Variants in ASTN1 observed in about 807,000 individuals in gnomAD.
ASTN1 encodes astrotactin 1, also known as astrotactin-1.
A neutral mutation model predicts 140.7 loss-of-function variants in ASTN1; 41 were observed. The observed-to-expected ratio is 0.29, with a 90% confidence interval of 0.23 to 0.38. ASTN1 has a LOEUF of 0.38. ASTN1 is among the 10% of genes least tolerant of loss of function. ASTN1 has a pLI of 1.00. For synonymous variants in ASTN1, 640 were observed against 652.2 expected, an observed-to-expected ratio of 0.98 and a Z score of 0.29; for missense variants, 1,479 against 1,678.8, an observed-to-expected ratio of 0.88 and a Z score of 2.08.
chr1:176,978,856 T>C (rs960938832), intron 8 of ASTN1, among the ~76,000 whole-genome samples: 3 of 152,146 alleles, frequency 2.0e-5, no homozygotes, highest in African/African-American at 7.2e-5. Flanking sequence ...ATTCCTATTG[T>C]ATAGATAAAC....
At chr1:176,903,939 A>C (rs569858219) in intron 16 of ASTN1, among the ~76,000 whole-genome samples, 1 of 152,228 alleles carries the variant, frequency 6.6e-6, no homozygotes, top group South Asian at 2.1e-4. Context: ...TAGCTGCCTC[A>C]CACTAATCTT....
chr1:176,890,429 C>T (rs534757541), intron 17 of ASTN1, among the ~76,000 whole-genome samples: 1 of 152,136 alleles, frequency 6.6e-6, no homozygotes, highest in Admixed American at 6.5e-5. Context: ...TGGAACTTGA[C>T]TTCTAAAATC....
chr1:176,860,359 A>G (rs1198531133), downstream of ASTN1, among the ~76,000 whole-genome samples: 1 of 152,198 alleles, frequency 6.6e-6, no homozygotes, highest in African/African-American at 2.4e-5. Context: ...AGGGACTTGG[A>G]TTCTGATCAT....
intron 1 of ASTN1, among the ~76,000 whole-genome samples, chr1:177,083,654 C>T (rs1679283328): frequency 6.6e-6 from 1 of 152,022 alleles, no homozygotes; most frequent in Admixed American, 6.6e-5. Flanking sequence ...AACAGGCAAG[C>T]AATAGAAAAA....
At chr1:177,055,589 C>A (rs933155990) in intron 2 of ASTN1, among the ~76,000 whole-genome samples, 1 of 152,192 alleles carries the variant, frequency 6.6e-6, no homozygotes, top group African/African-American at 2.4e-5. Flanking sequence ...ACCAGTAAGT[C>A]GGTTCAGCCC....
At chr1:176,858,525 C>T (rs1490288276), downstream of ASTN1, among the ~76,000 whole-genome samples, 5 of 152,140 alleles carry the variant, frequency 3.3e-5, 1 homozygote, top group South Asian at 8.3e-4. Flanking sequence ...GAGACTGGCA[C>T]AAAAAGAACC....
Position 177,129,870 on chromosome 1 carries a change from G to T in ASTN1, c.283+34524C>A, listed in dbSNP as rs183095782. 1.3e-3 allele frequency among the ~76,000 whole-genome samples: 193 copies of T among 152,298 alleles called. 1 individual carries two copies. Among genetic ancestry groups the T allele is most frequent in the Admixed American group, 9.3e-3 (142 of 15,302 alleles). On this transcript the variant is annotated intron_variant, in intron 1 of 22. Transcript: ENST00000361833. ...TAGTCCCAGCTACTCAGAAGGCTGA[G>T]GCAGGAGAATCACTTGAACCCAGGA...
intron 16 of ASTN1, among the ~76,000 whole-genome samples, chr1:176,914,248 C>T (rs1670383590): frequency 1.3e-5 from 2 of 152,136 alleles, no homozygotes. Flanking sequence ...TCAATCAGTC[C>T]TAAATTCTAT....
At chr1:177,008,019 T>C (rs1372623448) in intron 8 of ASTN1, among the ~76,000 whole-genome samples, 1 of 152,162 alleles carries the variant, frequency 6.6e-6, no homozygotes, top group Non-Finnish European at 1.5e-5. Flanking sequence ...GAAAAATCGG[T>C]CAAGTTACAT....
At chr1:176,956,503 C>G (rs1438111710) in intron 11 of ASTN1, among the ~76,000 whole-genome samples, 1 of 152,146 alleles carries the variant, frequency 6.6e-6, no homozygotes, top group Non-Finnish European at 1.5e-5. Context: ...TCTGGGTCCT[C>G]TCACAAAGCA....
chr1:177,119,794 T>C (rs1392543022), intron 1 of ASTN1, among the ~76,000 whole-genome samples: 1 of 152,192 alleles, frequency 6.6e-6, no homozygotes, highest in Non-Finnish European at 1.5e-5. Flanking sequence ...ATTACTTCTC[T>C]TTCCTCTTTG....
intron 8 of ASTN1, among the ~76,000 whole-genome samples, chr1:177,001,358 C>T (rs770326806): frequency 6.6e-6 from 1 of 152,178 alleles, no homozygotes; most frequent in Non-Finnish European, 1.5e-5. Context: ...ACAAATGAGG[C>T]TGTGACCAAT....
intron 1 of ASTN1, among the ~76,000 whole-genome samples, chr1:177,161,319 C>T (rs10798503): frequency 0.15 from 23,500 of 152,160 alleles, 3,658 homozygotes; most frequent in African/African-American, 0.4. Flanking sequence ...CATATGCATG[C>T]CATTTCCATA....
At chr1:176,872,915 G>A (rs1434381122) in intron 21 of ASTN1, among the ~76,000 whole-genome samples, 6 of 152,004 alleles carry the variant, frequency 3.9e-5, no homozygotes, top group African/African-American at 7.3e-5. Context: ...AACACGTATC[G>A]CCATCTGAAA....
chr1:177,048,397 C>A (rs1677358738), intron 2 of ASTN1, among the ~76,000 whole-genome samples: 1 of 152,156 alleles, frequency 6.6e-6, no homozygotes, highest in Admixed American at 6.5e-5. Flanking sequence ...ACCATCCTAC[C>A]AGAAAGTTCC....
chr1:176,945,381 G>T (rs1416145013), intron 13 of ASTN1, among the ~76,000 whole-genome samples: 1 of 152,068 alleles, frequency 6.6e-6, no homozygotes, highest in Admixed American at 6.6e-5. Context: ...TAAAACATGA[G>T]AGAAGTAATA....
chr1:177,072,603 T>C (rs1356042603), intron 1 of ASTN1, among the ~76,000 whole-genome samples: 1 of 152,194 alleles, frequency 6.6e-6, no homozygotes. Context: ...GAGAATAACA[T>C]ACATTGACAG....
chr1:177,002,334 T>C (rs567343800), intron 8 of ASTN1, among the ~76,000 whole-genome samples: 16 of 151,990 alleles, frequency 1.1e-4, no homozygotes, highest in African/African-American at 3.6e-4. Context: ...TTCTGGTCAA[T>C]GTACTACCGA....
At chr1:176,904,641 C>G (rs1195231634) in intron 16 of ASTN1, among the ~76,000 whole-genome samples, 1 of 152,226 alleles carries the variant, frequency 6.6e-6, no homozygotes, top group Non-Finnish European at 1.5e-5. Flanking sequence ...AAGGCTTCCT[C>G]CGCGCCCCCA....
Sources: allele counts gnomAD v4.1 joint callset (sites outside exome capture counted in the v4.1 genomes callset), GRCh38; gene constraint gnomAD v4.1.1; transcripts MANE v1.5; gene names NCBI Gene and HGNC (gene_info 2026-07-23, HGNC 2026-07-21).